Variants in RSU1 observed in about 807,000 individuals in gnomAD.
RSU1 encodes rsu-1.
A neutral mutation model predicts 31.1 loss-of-function variants in RSU1; 26 were observed. The ratio of observed to expected loss-of-function variants is 0.84; its 90% CI spans 0.61 to 1.16. RSU1 has a LOEUF of 1.16. Among genes scored for constraint, RSU1 ranks in the 50% most tolerant of loss-of-function variants. The probability of loss-of-function intolerance (pLI) is 0.00; values close to 1 mark genes in which losing one functional copy is unlikely to be tolerated. For missense variants in RSU1, 320 were observed against 339.1 expected (o/e 0.94, Z 0.44); for synonymous variants, 164 against 136.3 (o/e 1.20, Z -1.41).
At chr10:16,802,125 T>A (rs1290705331) in intron 2 of RSU1, among the ~76,000 whole-genome samples, 1 of 149,470 alleles carries the variant, frequency 6.7e-6, no homozygotes, top group Non-Finnish European at 1.5e-5. Flanking sequence ...ATAGAGAAAA[T>A]CTCTGAGTAC....
At chr10:16,712,179 A>C (rs955218157) in intron 7 of RSU1, among the ~76,000 whole-genome samples, 1 of 151,902 alleles carries the variant, frequency 6.6e-6, no homozygotes, top group Non-Finnish European at 1.5e-5. Context: ...GTTTGTATGG[A>C]ATATGTTTTT....
intron 8 of RSU1, among the ~76,000 whole-genome samples, chr10:16,639,945 T>C (rs1447230902): frequency 6.6e-6 from 1 of 152,216 alleles, no homozygotes; most frequent in African/African-American, 2.4e-5. Flanking sequence ...TTAATATAAA[T>C]GAGACAATAT....
intron 2 of RSU1, among the ~76,000 whole-genome samples, chr10:16,792,435 G>A (rs1301922521): frequency 1.3e-5 from 2 of 152,128 alleles, no homozygotes; most frequent in Non-Finnish European, 2.9e-5. Flanking sequence ...GTTTCATTAC[G>A]TCGGCCAAGC....
At chr10:16,654,477 C>A (rs1390899595) in intron 8 of RSU1, among the ~76,000 whole-genome samples, 2 of 150,680 alleles carry the variant, frequency 1.3e-5, no homozygotes, top group Non-Finnish European at 3.0e-5. Context: ...TGAGACCAGC[C>A]CGAGCAACAT....
intron 2 of RSU1, among the ~76,000 whole-genome samples, chr10:16,810,295 G>A (rs1008403365): frequency 1.3e-5 from 2 of 151,950 alleles, no homozygotes; most frequent in African/African-American, 4.8e-5. Flanking sequence ...ACGAACTCTG[G>A]TTACATAATG....
At chr10:16,742,123 A>G (rs574718324) in intron 7 of RSU1, among the ~76,000 whole-genome samples, 40 of 152,302 alleles carry the variant, frequency 2.6e-4, no homozygotes, top group African/African-American at 9.1e-4. Flanking sequence ...GCGTGTTAAA[A>G]TCACTCTACG....
chr10:16,695,775 T>C (rs2131563539), intron 7 of RSU1, among the ~76,000 whole-genome samples: 1 of 152,258 alleles, frequency 6.6e-6, no homozygotes, highest in Admixed American at 6.5e-5. Context: ...ACTTTATAGG[T>C]GAAGAAATGG....
intron 8 of RSU1, among the ~76,000 whole-genome samples, chr10:16,647,733 A>G (rs989575908): frequency 2.0e-5 from 3 of 152,134 alleles, no homozygotes; most frequent in African/African-American, 4.8e-5. Context: ...AAAATGTTCT[A>G]TAATTGACTG....
chr10:16,698,227 C>T (rs971503802), intron 7 of RSU1, among the ~76,000 whole-genome samples: 4 of 151,944 alleles, frequency 2.6e-5, no homozygotes, highest in African/African-American at 9.7e-5. Context: ...GGAAGAGACT[C>T]CTCTTTTCTA....
intron 8 of RSU1, among the ~76,000 whole-genome samples, chr10:16,612,145 C>G (rs923722829): frequency 2.6e-5 from 4 of 152,186 alleles, no homozygotes; most frequent in Admixed American, 1.3e-4. Flanking sequence ...GTTGTCCATT[C>G]AAATGTGGTT....
intron 7 of RSU1, among the ~76,000 whole-genome samples, chr10:16,746,557 C>T (rs930113560): frequency 2.6e-5 from 4 of 152,002 alleles, no homozygotes; most frequent in African/African-American, 9.7e-5. Flanking sequence ...ACACAGAATC[C>T]AGATCTTCAG....
intron 8 of RSU1, among the ~76,000 whole-genome samples, chr10:16,606,109 C>T (rs563622439): frequency 3.3e-5 from 5 of 152,292 alleles, no homozygotes; most frequent in East Asian, 3.9e-4. Flanking sequence ...AGCGCCACTT[C>T]GTGAGGCCTT....
At chr10:16,611,586 C>T (rs966575097) in intron 8 of RSU1, among the ~76,000 whole-genome samples, 1 of 152,220 alleles carries the variant, frequency 6.6e-6, no homozygotes, top group Non-Finnish European at 1.5e-5. Flanking sequence ...AAGACAGCCC[C>T]TCACCCACTG....
At chr10:16,609,019 G>A (rs1388764112) in intron 8 of RSU1, among the ~76,000 whole-genome samples, 1 of 151,870 alleles carries the variant, frequency 6.6e-6, no homozygotes, top group Non-Finnish European at 1.5e-5. Flanking sequence ...ATTTTGTAGA[G>A]ATAGGGCCTT....
intron 8 of RSU1, among the ~76,000 whole-genome samples, chr10:16,664,607 C>T (rs1034660753): frequency 1.4e-5 from 2 of 145,818 alleles, no homozygotes; most frequent in African/African-American, 5.6e-5. Flanking sequence ...ATGGGTGATC[C>T]TGCAGTGGTC....
In RSU1 at chr10:16,674,303, T is replaced by C. The variant is rs182579497; in HGVS notation, c.731+20720A>G. On this transcript the variant is annotated intron_variant, in intron 8 of 8. Coordinates refer to ENST00000345264, the MANE Select transcript of RSU1 (RefSeq NM_012425.4). ...CTTGGAAACATCAGAGCAACATTTATGGTGATGGAAGTGGCAGTAATAATA... is the reference window on the plus strand; with the variant it reads ...CTTGGAAACATCAGAGCAACATTTACGGTGATGGAAGTGGCAGTAATAATA... Among the ~76,000 whole-genome samples, 12 of 151,844 alleles carry C rather than the reference T, an allele frequency of 7.9e-5. No individual in the cohort carries two copies. The South Asian group carries it at 1.3e-3, about 16-fold the overall frequency.
intron 2 of RSU1, among the ~76,000 whole-genome samples, chr10:16,800,030 T>A (rs1838118429): frequency 6.6e-6 from 1 of 151,914 alleles, no homozygotes; most frequent in African/African-American, 2.4e-5. Context: ...TATTTAAGGA[T>A]TCAACAGGGA....
At chr10:16,721,596 T>C (rs188730227) in intron 7 of RSU1, 2 of 152,372 alleles carry the variant, frequency 1.3e-5, no homozygotes, top group Admixed American at 6.5e-5. Context: ...GAGTGACTTA[T>C]AAAATGTTCT....
At chr10:16,787,509 T>C (rs761232914) in intron 2 of RSU1, among the ~76,000 whole-genome samples, 3 of 152,182 alleles carry the variant, frequency 2.0e-5, no homozygotes, top group Non-Finnish European at 4.4e-5. Flanking sequence ...CCCACTGATA[T>C]GGTTAGGCTG....
Sources: gnomAD v4.1 joint callset for allele counts (sites outside exome capture counted in the v4.1 genomes callset) on GRCh38, gnomAD v4.1.1 for gene constraint, MANE v1.5 for transcripts, NCBI Gene and HGNC (gene_info 2026-07-23, HGNC 2026-07-21) for gene names.